STK33: variants seen among roughly 807,000 people sequenced by gnomAD.
STK33 encodes the protein serine/threonine kinase 33.
Under a neutral mutation model 58.0 loss-of-function variants are expected in STK33, and 52 were observed. The observed-to-expected ratio is 0.90, with a 90% CI of 0.72 to 1.13. STK33 has a LOEUF of 1.13. Among genes scored for constraint, STK33 ranks in the 50% most tolerant of loss-of-function variants. The pLI, the probability that STK33 is intolerant of heterozygous loss-of-function variation, is 0.00. For missense variants in STK33, 630 were observed against 604.2 expected (o/e 1.04, Z -0.45); for synonymous variants, 215 against 200.1 (o/e 1.07, Z -0.63).
chr11:8,574,621 T>G (rs1477906227), intron 1 of STK33, among the ~76,000 whole-genome samples: 1 of 152,066 alleles, frequency 6.6e-6, no homozygotes, highest in Non-Finnish European at 1.5e-5. Flanking sequence ...CCAATAACAT[T>G]ACCATGTTAC....
At chr11:8,552,458 C>CT (rs1956367278) in intron 1 of STK33, among the ~76,000 whole-genome samples, 1 of 152,050 alleles carries the variant, frequency 6.6e-6, no homozygotes, top group Non-Finnish European at 1.5e-5. Context: ...ATTTTTTTAA[C>CT]TTTTTGCTTC....
chr11:8,508,435 C>T (rs1245196903), intron 1 of STK33, among the ~76,000 whole-genome samples: 1 of 151,710 alleles, frequency 6.6e-6, no homozygotes, highest in African/African-American at 2.4e-5. Flanking sequence ...CCACAGCCAG[C>T]GAATTTTTTA....
At chr11:8,471,606 C>A (rs1408233472) in intron 6 of STK33, among the ~76,000 whole-genome samples, 1 of 152,080 alleles carries the variant, frequency 6.6e-6, no homozygotes, top group African/African-American at 2.4e-5. Flanking sequence ...CTTCTTTATA[C>A]TCTTCTGAAA....
chr11:8,571,399 G>C (rs1459379992), intron 1 of STK33, among the ~76,000 whole-genome samples: 3 of 152,136 alleles, frequency 2.0e-5, no homozygotes, highest in Admixed American at 2.0e-4. Flanking sequence ...AGTTTACTAG[G>C]GATAGGCGAG....
At chr11:8,562,655 A>G (rs760257165) in intron 1 of STK33, among the ~76,000 whole-genome samples, 1 of 152,068 alleles carries the variant, frequency 6.6e-6, no homozygotes, top group Non-Finnish European at 1.5e-5. Flanking sequence ...TTGATTCTCA[A>G]TTAGTTTCAT....
In STK33 at chr11:8,496,381, G is replaced by A. The variant is rs571765472; in HGVS notation, c.-465-15767C>T. On this transcript the variant is annotated intron_variant, in intron 1 of 15. Transcript: ENST00000687296. ...TTTGAAAACAATTTTAATTGCTGGT[G>A]CTTCTATGATTAGACTTGAATTTAG... 2.0e-5 allele frequency among the ~76,000 whole-genome samples: 3 copies of A among 152,186 alleles called. No individual in the cohort carries two copies. The South Asian group carries it at 6.2e-4, about 32-fold the overall frequency.
chr11:8,577,160 T>C (rs1206801806), intron 1 of STK33, among the ~76,000 whole-genome samples: 1 of 152,138 alleles, frequency 6.6e-6, no homozygotes, highest in Non-Finnish European at 1.5e-5. Flanking sequence ...TATCAAAATA[T>C]GGCAGTATCA....
chr11:8,418,212 T>C (rs1332062306), intron 14 of STK33, among the ~76,000 whole-genome samples: 2 of 152,106 alleles, frequency 1.3e-5, no homozygotes, highest in East Asian at 3.9e-4. Flanking sequence ...AAGCCTACTA[T>C]CCAATAGTTA....
intron 1 of STK33, among the ~76,000 whole-genome samples, chr11:8,555,568 G>T (rs908878004): frequency 1.3e-5 from 2 of 152,048 alleles, no homozygotes; most frequent in African/African-American, 4.8e-5. Flanking sequence ...GGGAGGCTGA[G>T]GTGAGAGAAT....
Position 8,452,834 on chromosome 11 carries a change from G to T in STK33, c.859C>A (p.Pro287Thr). 1 of 1,613,818 alleles carries T rather than the reference G, an allele frequency of 6.2e-7. No individual in the cohort carries two copies. Among genetic ancestry groups the T allele is most frequent in the Non-Finnish European group, 8.5e-7 (1 of 1,179,826 alleles). ...EAMLQATCGT[P>T]IYMAPEVISA... ...TCTACTAACTTACCCATATAGATAG[G>T]AGTCCCACATGTGGCCTGCAGCATG... is the stretch of plus-strand genomic sequence containing the variant. The change falls in exon 11 of 16, where the codon CCT becomes ACT. Residue 287 changes from proline to threonine, a missense_variant. Physicochemically the swap from Pro to Thr is conservative, Grantham distance 38. Coordinates refer to ENST00000687296, the MANE Select transcript of STK33 (RefSeq NM_001352389.2).
intron 1 of STK33, among the ~76,000 whole-genome samples, chr11:8,496,146 A>G (rs1951042651): frequency 6.6e-6 from 1 of 152,144 alleles, no homozygotes; most frequent in Non-Finnish European, 1.5e-5. Context: ...GAAGGACAAA[A>G]AAAAAGAAGT....
the STK33 span, among the ~76,000 whole-genome samples, chr11:8,344,114 G>A: frequency 1.3e-5 from 2 of 151,962 alleles, no homozygotes; most frequent in Admixed American, 1.3e-4. Flanking sequence ...ACTCTGGGAG[G>A]CCAAGGTGAG....
chr11:8,568,553 T>C (rs1957598045), intron 1 of STK33, among the ~76,000 whole-genome samples: 1 of 152,210 alleles, frequency 6.6e-6, no homozygotes, highest in African/African-American at 2.4e-5. Flanking sequence ...TTAAAGCATG[T>C]ATTTCAAGAT....
chr11:8,465,113 A>C, intron 6 of STK33: 1 of 200,336 alleles, frequency 5.0e-6, no homozygotes, highest in Non-Finnish European at 1.0e-5. Context: ...AAACTATAAT[A>C]TATTAATGAA....
the STK33 span, among the ~76,000 whole-genome samples, chr11:8,348,152 C>A: frequency 6.6e-6 from 1 of 152,234 alleles, no homozygotes; most frequent in South Asian, 2.1e-4. Context: ...TTTCCTGCTG[C>A]ATTTTAGTGG....
At chr11:8,397,457 T>C (rs1376731955) in intron 15 of STK33, among the ~76,000 whole-genome samples, 2 of 152,064 alleles carry the variant, frequency 1.3e-5, no homozygotes, top group South Asian at 2.1e-4. Context: ...CAAAACCCCA[T>C]CTGTACATCA....
the STK33 span, among the ~76,000 whole-genome samples, chr11:8,375,109 C>T: frequency 6.6e-6 from 1 of 152,244 alleles, no homozygotes; most frequent in Non-Finnish European, 1.5e-5. Context: ...GAAATGCACA[C>T]TTGCAAGGTT....
chr11:8,486,292 C>T (rs1950190687), intron 1 of STK33, among the ~76,000 whole-genome samples: 1 of 152,214 alleles, frequency 6.6e-6, no homozygotes, highest in Non-Finnish European at 1.5e-5. Context: ...TCTCAGCTTA[C>T]TTCTTCAGGC....
chr11:8,565,965 G>A (rs1432184233), intron 1 of STK33: 3 of 152,146 alleles, frequency 2.0e-5, no homozygotes, highest in African/African-American at 7.2e-5. Flanking sequence ...TTTCCAGTGT[G>A]ACAAATCTGA....
Sources: gnomAD v4.1 joint callset for allele counts (sites outside exome capture counted in the v4.1 genomes callset) on GRCh38, gnomAD v4.1.1 for gene constraint, MANE v1.5 for transcripts, NCBI Gene and HGNC (gene_info 2026-07-23, HGNC 2026-07-21) for gene names.